HDAC4: variants seen among roughly 807,000 people sequenced by gnomAD.
The protein encoded by HDAC4 is histone deacetylase 4.
Under a neutral mutation model 135.1 loss-of-function variants are expected in HDAC4, and 16 were observed. The ratio of observed to expected loss-of-function variants is 0.12; its 90% CI spans 0.08 to 0.18. The LOEUF (loss-of-function observed/expected upper bound fraction) is 0.18, where lower values mean the gene tolerates loss of function less well. Among genes scored for constraint, HDAC4 ranks in the 10% least tolerant of loss-of-function variants. HDAC4 has a pLI of 1.00. For missense variants in HDAC4, 1,143 were observed against 1,511.8 expected (o/e 0.76, Z 4.05); for synonymous variants, 685 against 653.4 (o/e 1.05, Z -0.74).
intron 2 of HDAC4, among the ~76,000 whole-genome samples, chr2:239,250,971 G>A (rs927760726): frequency 6.6e-6 from 1 of 152,158 alleles, no homozygotes; most frequent in Admixed American, 6.5e-5. Flanking sequence ...GGTTCACCTC[G>A]AGACCTGCAT....
At chr2:239,157,967 C>A (rs1331683585) in intron 6 of HDAC4, among the ~76,000 whole-genome samples, 2 of 152,216 alleles carry the variant, frequency 1.3e-5, no homozygotes, top group Non-Finnish European at 2.9e-5. Flanking sequence ...CGCCCCAACC[C>A]CGCCCACTGC....
At position 239,081,257 on chromosome 2, in the gene HDAC4, C is replaced by T. The variant is rs1443132381; in HGVS notation, c.2653-65G>A. On this transcript the variant is annotated intron_variant, in intron 21 of 26. Transcript: ENST00000543185. ...AGCGGGACCTGTCTGACAGGAACGC[C>T]TGATGCAGGTGGCACCGGGATGGGC... The T allele has an allele frequency of 2.9e-6, 4 of 1,383,596 alleles. No individual in the cohort carries two copies. In the African/African-American group the frequency reaches 5.7e-5, roughly 20 times the overall value. The allele number at this position is 1,383,596 out of a possible 1,614,324, so 85.7% of individuals were successfully genotyped here.
intron 9 of HDAC4, among the ~76,000 whole-genome samples, chr2:239,138,970 T>A (rs1232630942): frequency 6.6e-6 from 1 of 152,182 alleles, no homozygotes; most frequent in East Asian, 1.9e-4. Flanking sequence ...GTCTCTGACA[T>A]CTTTCCCACC....
At chr2:239,171,045 A>G (rs1482523572) in intron 5 of HDAC4, among the ~76,000 whole-genome samples, 1 of 152,148 alleles carries the variant, frequency 6.6e-6, no homozygotes, top group African/African-American at 2.4e-5. Context: ...GGTCAACTGC[A>G]AGAAGGAAAA....
chr2:239,102,325 C>T lies in HDAC4; in HGVS notation c.2233+451G>A, dbSNP rs143259495. On this transcript the variant is annotated intron_variant, in intron 16 of 26. Transcript: ENST00000543185. Reference sequence around the variant, plus strand: ...TTCTCTCCATGAGGCTAAAATTCCCCTCCACCACCTGTGCAGGTGCTTTCA... The same window carrying T: ...TTCTCTCCATGAGGCTAAAATTCCCTTCCACCACCTGTGCAGGTGCTTTCA... Among the ~76,000 whole-genome samples, 962 of 152,342 alleles carry T rather than the reference C, an allele frequency of 6.3e-3. 7 individuals carry two copies. Among genetic ancestry groups the T allele is most frequent in the Admixed American group, 0.012 (188 of 15,308 alleles).
At chr2:239,348,574 C>T (rs1692888693) in intron 2 of HDAC4, among the ~76,000 whole-genome samples, 1 of 152,266 alleles carries the variant, frequency 6.6e-6, no homozygotes. Flanking sequence ...GTAGCTTGTC[C>T]TGCCAGCAGG....
At chr2:239,382,371 C>T (rs1207072980) in intron 1 of HDAC4, among the ~76,000 whole-genome samples, 2 of 152,246 alleles carry the variant, frequency 1.3e-5, no homozygotes, top group Non-Finnish European at 2.9e-5. Flanking sequence ...TTCCCAATTA[C>T]AGCAACTGCT....
rs1293539757 is a variant in HDAC4 at position 239,051,297 on chromosome 2, G to GT, written c.*1799_*1800insA. 11 of 152,216 alleles carry GT rather than the reference G, an allele frequency of 7.2e-5. No homozygotes were observed. Among genetic ancestry groups the GT allele is most frequent in the Admixed American group, 5.2e-4 (8 of 15,276 alleles). The allele number at this position is 152,216 out of a possible 1,614,324, so 9.4% of individuals were successfully genotyped here. On this transcript the variant is annotated 3_prime_UTR_variant, in exon 27 of 27. Transcript: ENST00000543185. The stretch of plus-strand genomic sequence containing the variant: ...AAGACACAATCGTTGGTGTCACTCC[G>GT]AAAAGACCTACGGTCCCTCCTCTCA...
chr2:239,102,483 C>G, intron 16 of HDAC4: 1 of 419,560 alleles, frequency 2.4e-6, no homozygotes, highest in Non-Finnish European at 4.5e-6. Flanking sequence ...GCAGGGCGGG[C>G]AGCATGCTGG....
chr2:239,176,887 A>C (rs1381026304), intron 4 of HDAC4, among the ~76,000 whole-genome samples: 1 of 152,228 alleles, frequency 6.6e-6, no homozygotes, highest in Non-Finnish European at 1.5e-5. Flanking sequence ...CAGTGAAGAG[A>C]GCGTGAAATG....
chr2:239,235,906 G>A (rs2047859914), intron 3 of HDAC4, among the ~76,000 whole-genome samples: 1 of 152,106 alleles, frequency 6.6e-6, no homozygotes, highest in East Asian at 1.9e-4. Context: ...AGGTGTGGTG[G>A]CACACACCTG....
chr2:239,164,422 C>T (rs1475668105), intron 5 of HDAC4, among the ~76,000 whole-genome samples: 2 of 152,236 alleles, frequency 1.3e-5, no homozygotes, highest in Admixed American at 6.5e-5. Flanking sequence ...CAAAGGGCAG[C>T]GCCTGTCCTC....
At chr2:239,198,554 A>G (rs1402791942) in intron 3 of HDAC4, among the ~76,000 whole-genome samples, 6 of 152,154 alleles carry the variant, frequency 3.9e-5, no homozygotes, top group Non-Finnish European at 8.8e-5. Context: ...GTCCCCATGC[A>G]GAGGCGCTCA....
chr2:239,219,690 T>A (rs1209472687), intron 3 of HDAC4, among the ~76,000 whole-genome samples: 1 of 151,544 alleles, frequency 6.6e-6, no homozygotes, highest in Non-Finnish European at 1.5e-5. Context: ...ATTAGACGGG[T>A]AAAAAGCCCC....
chr2:239,296,576 A>G (rs1247577399), intron 2 of HDAC4, among the ~76,000 whole-genome samples: 1 of 152,254 alleles, frequency 6.6e-6, no homozygotes, highest in Non-Finnish European at 1.5e-5. Flanking sequence ...CATTTAAGAG[A>G]AACTGCGCTG....
chr2:239,258,757 G>A (rs1304662688), intron 2 of HDAC4, among the ~76,000 whole-genome samples: 1 of 152,194 alleles, frequency 6.6e-6, no homozygotes, highest in East Asian at 1.9e-4. Context: ...CCACAGAAGA[G>A]ACAGGACAAA....
intron 8 of HDAC4, among the ~76,000 whole-genome samples, chr2:239,143,112 C>T (rs2041513559): frequency 6.6e-6 from 1 of 152,228 alleles, no homozygotes; most frequent in African/African-American, 2.4e-5. Flanking sequence ...AAGCTCCTTC[C>T]AGGGAAGGAC....
chr2:239,215,328 GGC>G (rs1435933094), intron 3 of HDAC4, among the ~76,000 whole-genome samples: 1 of 152,214 alleles, frequency 6.6e-6, no homozygotes, highest in East Asian at 1.9e-4. Flanking sequence ...GCTGAGGCCG[GGC>G]ATGGAAGCTG....
At chr2:239,205,149 G>A (rs1575403113) in intron 3 of HDAC4, among the ~76,000 whole-genome samples, 1 of 152,334 alleles carries the variant, frequency 6.6e-6, no homozygotes, top group East Asian at 1.9e-4. Context: ...GCCAGAGTCT[G>A]TACTCTGAGC....
Sources: gnomAD v4.1 joint callset for allele counts (sites outside exome capture counted in the v4.1 genomes callset) on GRCh38, gnomAD v4.1.1 for gene constraint, MANE v1.5 for transcripts, NCBI Gene and HGNC (gene_info 2026-07-23, HGNC 2026-07-21) for gene names.